The following BEGAIN variants were observed in gnomAD, a reference collection of about 807,000 sequenced individuals.
BEGAIN encodes the protein brain-enriched guanylate kinase-associated protein.
BEGAIN carries 19 observed loss-of-function variants against 35.8 expected under a neutral mutation model. That is an observed-to-expected ratio of 0.53 (90% CI 0.37 to 0.78). The LOEUF (loss-of-function observed/expected upper bound fraction) is 0.78, where lower values mean the gene tolerates loss of function less well. Among genes scored for constraint, BEGAIN ranks in the 30% least tolerant of loss-of-function variants. The pLI, the probability that BEGAIN is intolerant of heterozygous loss-of-function variation, is 0.00. For synonymous variants in BEGAIN, 462 were observed against 388.6 expected, an observed-to-expected ratio of 1.19 and a Z score of -2.22; for missense variants, 795 against 853.6, an observed-to-expected ratio of 0.93 and a Z score of 0.85.
chr14:100,554,252 C>T (rs572035041), intron 2 of BEGAIN, among the ~76,000 whole-genome samples: 85 of 152,292 alleles, frequency 5.6e-4, no homozygotes, highest in African/African-American at 2.0e-3. Context: ...TCCCACTTGA[C>T]GTCACGACAG....
At chr14:100,556,350 T>A (rs1441998693) in intron 2 of BEGAIN, among the ~76,000 whole-genome samples, 2 of 152,090 alleles carry the variant, frequency 1.3e-5, no homozygotes, top group Admixed American at 6.5e-5. Flanking sequence ...GCTGCCCCCC[T>A]CTTTCTGCAG....
At chr14:100,560,593 C>A (rs781099948) in intron 2 of BEGAIN, among the ~76,000 whole-genome samples, 2 of 152,166 alleles carry the variant, frequency 1.3e-5, no homozygotes, top group Non-Finnish European at 2.9e-5. Context: ...TCCAGCCAGA[C>A]CCCCAGGACA....
chr14:100,571,657 G>A (rs1283109222), intron 1 of BEGAIN, among the ~76,000 whole-genome samples: 1 of 152,140 alleles, frequency 6.6e-6, no homozygotes, highest in Non-Finnish European at 1.5e-5. Context: ...AGGTGGAGGG[G>A]GTGACTCTGT....
intron 2 of BEGAIN, chr14:100,546,865 T>G (rs2032590963): frequency 4.4e-6 from 2 of 457,500 alleles, no homozygotes; most frequent in Non-Finnish European, 7.6e-6. Flanking sequence ...CGCCCCAGAG[T>G]CAGGGACTCT....
chr14:100,556,114 T>C (rs575684892), intron 2 of BEGAIN, among the ~76,000 whole-genome samples: 30 of 152,156 alleles, frequency 2.0e-4, no homozygotes, highest in East Asian at 1.2e-3. Context: ...ACCAGCTCAA[T>C]TGGGGCCACC....
chr14:100,579,452 G>A (rs1387464365), intron 1 of BEGAIN, among the ~76,000 whole-genome samples: 1 of 152,190 alleles, frequency 6.6e-6, no homozygotes, highest in African/African-American at 2.4e-5. Context: ...ACCCCACACA[G>A]AGATCCTTCC....
chr14:100,583,517 G>C (rs1260958139), intron 1 of BEGAIN, among the ~76,000 whole-genome samples: 4 of 151,680 alleles, frequency 2.6e-5, no homozygotes, highest in African/African-American at 9.7e-5. Flanking sequence ...TTGATATTTT[G>C]TTCTATCAAT....
chr14:100,564,097 G>C (rs1482342981), intron 2 of BEGAIN, among the ~76,000 whole-genome samples: 1 of 150,990 alleles, frequency 6.6e-6, no homozygotes, highest in Admixed American at 6.6e-5. Context: ...AAGGGTCTCG[G>C]GGGATCTTAG....
rs982029806 is a variant in BEGAIN, at chr14:100,581,478, G to A, written c.42+5771C>T. Reference sequence around the variant, plus strand: ...GGAGGGGCTTCCGGCTCCTGGCACCGCAGCCCCTGCCTCTTGACTCATCTG... The same window carrying A: ...GGAGGGGCTTCCGGCTCCTGGCACCACAGCCCCTGCCTCTTGACTCATCTG... On this transcript the variant is annotated intron_variant, in intron 1 of 6. Coordinates refer to ENST00000554140, the MANE Select transcript of BEGAIN (RefSeq NM_001385089.1). Among the ~76,000 whole-genome samples the A allele has an allele frequency of 3.3e-5, 5 of 151,942 alleles. No homozygotes were observed. In the South Asian group the frequency reaches 8.3e-4, roughly 25 times the overall value.
Position 100,568,329 on chromosome 14 carries a change from C to CATA in BEGAIN, c.43-391_43-390insTAT. The stretch of plus-strand genomic sequence containing the variant: ...TGCTCCCCCCGCCCCGCCCGTTAAC[C>CATA]CTTCCTGCCCCGCGCTCCCTCCCGG... On this transcript the variant is annotated intron_variant, in intron 1 of 6. Transcript: ENST00000554140. This position sits in a 1 kb window ranked among gnomAD's most constrained non-coding sequence, Gnocchi z 7.5. 1 of 886,542 alleles carries CATA rather than the reference C, an allele frequency of 1.1e-6. No homozygotes were observed. Among genetic ancestry groups the CATA allele is most frequent in the Non-Finnish European group, 1.6e-6 (1 of 641,230 alleles). The allele number at this position is 886,542 out of a possible 1,614,324, so 54.9% of individuals were successfully genotyped here. A position where few individuals can be genotyped will look rare whatever the true frequency, so the allele number is the denominator to read the frequency against.
intron 3 of BEGAIN, 33 bp from the exon 4 acceptor site, chr14:100,545,099 C>G (rs768599874): frequency 6.2e-7 from 1 of 1,612,170 alleles, no homozygotes. Context: ...CACTGCCATG[C>G]AAGGCCTGTC....
intron 6 of BEGAIN, among the ~76,000 whole-genome samples, chr14:100,539,961 C>A (rs1206929155): frequency 7.0e-6 from 1 of 142,110 alleles, no homozygotes; most frequent in African/African-American, 2.5e-5. Flanking sequence ...AGGGGAGGGT[C>A]GGGGGACGGG....
Position 100,546,725 on chromosome 14 carries a change from A to T in BEGAIN, c.72-63T>A. ...CTGAGCGGGGGAAACTAAGGCCCGC[A>T]GGCCAGCCGGGGCGTGCCGCACTAA... On this transcript the variant is annotated intron_variant, in intron 2 of 6. Transcript: ENST00000554140. 10 of 1,451,154 alleles carry T rather than the reference A, an allele frequency of 6.9e-6. No individual in the cohort carries two copies. In the South Asian group the frequency reaches 1.3e-4, roughly 19 times the overall value. The allele number at this position is 1,451,154 out of a possible 1,614,324, so 89.9% of individuals were successfully genotyped here. A position where few individuals can be genotyped will look rare whatever the true frequency, so the allele number is the denominator to read the frequency against.
intron 1 of BEGAIN, among the ~76,000 whole-genome samples, chr14:100,583,649 T>C (rs985709344): frequency 5.9e-5 from 9 of 151,746 alleles, no homozygotes; most frequent in African/African-American, 1.5e-4. Context: ...TTTCTTTCTT[T>C]TCTTTTTTTC....
In BEGAIN at chr14:100,537,760, A is replaced by T; in HGVS notation, c.*209T>A. ...TGAAAAACGCTCTAAGTGGAGTTCC[A>T]CGGGCCGGGGCCGGGTGGACACCGT... On this transcript the variant is annotated 3_prime_UTR_variant, in exon 7 of 7. Coordinates refer to ENST00000554140, the MANE Select transcript of BEGAIN (RefSeq NM_001385089.1). 1 of 651,616 alleles carries T rather than the reference A, an allele frequency of 1.5e-6. No homozygotes were observed. Among genetic ancestry groups the T allele is most frequent in the Non-Finnish European group, 2.4e-6 (1 of 420,570 alleles). The allele number at this position is 651,616 out of a possible 1,614,324, so 40.4% of individuals were successfully genotyped here.
intron 1 of BEGAIN, among the ~76,000 whole-genome samples, chr14:100,571,486 A>C (rs28529462): frequency 1.3e-5 from 2 of 152,254 alleles, no homozygotes; most frequent in South Asian, 4.1e-4. Context: ...CACAGAAATC[A>C]GTTCCATTGA....
At position 100,582,634 on chromosome 14, in the gene BEGAIN, C is replaced by T. The variant is rs2035345072; in HGVS notation, c.42+4615G>A. On this transcript the variant is annotated intron_variant, in intron 1 of 6. Coordinates refer to ENST00000554140, the MANE Select transcript of BEGAIN (RefSeq NM_001385089.1). ...CAACACAGGTGCCCCAGTTCTCTTC[C>T]TCAGATAGGACATGTACACAGCTGT... Among the ~76,000 whole-genome samples, 3 of 152,162 alleles carry T rather than the reference C, an allele frequency of 2.0e-5. No individual in the cohort carries two copies. The South Asian group carries it at 6.2e-4, about 32-fold the overall frequency.
intron 2 of BEGAIN, among the ~76,000 whole-genome samples, chr14:100,562,044 T>G (rs777755915): frequency 2.0e-5 from 3 of 152,134 alleles, no homozygotes; most frequent in Non-Finnish European, 4.4e-5. Context: ...CACACCTTAG[T>G]GAGAATTAGT....
rs1294798322 is a variant in BEGAIN at position 100,558,633 on chromosome 14, A to G, written c.71+9278T>C. ...GCAGCTGAGCTCCCATCGCCCCTAC[A>G]AATCCACAGCCTACCCCCACACCCT... On this transcript the variant is annotated intron_variant, in intron 2 of 6. Transcript: ENST00000554140. The surrounding 1 kb of genome is among the most constrained non-coding windows in gnomAD (Gnocchi z 4.6). Among the ~76,000 whole-genome samples, 2 of 152,078 alleles carry G rather than the reference A, an allele frequency of 1.3e-5. No individual in the cohort carries two copies. Among genetic ancestry groups the G allele is most frequent in the African/African-American group, 2.4e-5 (1 of 41,410 alleles).
Sources: gnomAD v4.1 joint callset for allele counts (sites outside exome capture counted in the v4.1 genomes callset) on GRCh38, gnomAD v4.1.1 for gene constraint, Gnocchi (gnomAD v3.1) non-coding constraint, MANE v1.5 for transcripts, NCBI Gene and HGNC (gene_info 2026-07-23, HGNC 2026-07-21) for gene names.